CRISP2: variants seen among roughly 807,000 people sequenced by gnomAD.
The protein encoded by CRISP2 is cysteine-rich secretory protein 2.
A neutral mutation model predicts 31.7 loss-of-function variants in CRISP2; 29 were observed. That is an observed-to-expected ratio of 0.92 (90% CI 0.68 to 1.25). CRISP2 has a LOEUF of 1.25. CRISP2 is among the 50% of genes most tolerant of loss of function. The pLI, the probability that CRISP2 is intolerant of heterozygous loss-of-function variation, is 0.00. For missense variants in CRISP2, 318 were observed against 286.5 expected (o/e 1.11, Z -0.79); for synonymous variants, 111 against 101.4 (o/e 1.09, Z -0.57).
At chr6:49,703,655 T>C (rs1360592676) in intron 4 of CRISP2, among the ~76,000 whole-genome samples, 1 of 152,198 alleles carries the variant, frequency 6.6e-6, no homozygotes, top group East Asian at 1.9e-4. Flanking sequence ...TACTGATTTG[T>C]GTACATTGAT....
chr6:49,684,491 C>T, the CRISP2 span, among the ~76,000 whole-genome samples: 1 of 152,118 alleles, frequency 6.6e-6, no homozygotes, highest in Admixed American at 6.5e-5. Context: ...GGAGGACCGA[C>T]TATATAAGGA....
chr6:49,689,488 G>T (rs1055453570), downstream of CRISP2, among the ~76,000 whole-genome samples: 1 of 151,992 alleles, frequency 6.6e-6, no homozygotes, highest in Non-Finnish European at 1.5e-5. Flanking sequence ...CACTCATTAT[G>T]TGCCAAGCAG....
At chr6:49,701,525 TAC>T (rs1214427161) in intron 4 of CRISP2, among the ~76,000 whole-genome samples, 17,597 of 80,592 alleles carry the variant, frequency 0.22, 2,418 homozygotes, top group East Asian at 0.4. Context: ...TATATATATA[TAC>T]ACACACACAC....
At chr6:49,688,988 C>A (rs1014481497), downstream of CRISP2, among the ~76,000 whole-genome samples, 19 of 152,018 alleles carry the variant, frequency 1.2e-4, no homozygotes, top group African/African-American at 4.4e-4. Context: ...CCTGCCTCAG[C>A]CTCCTCCCAA....
chr6:49,676,878 C>A, the CRISP2 span, among the ~76,000 whole-genome samples: 2 of 152,122 alleles, frequency 1.3e-5, no homozygotes, highest in Non-Finnish European at 1.5e-5. Context: ...TCGTTCAGAG[C>A]AGCTGGCATC....
intron 9 of CRISP2, 134 bp from the exon 10 acceptor site, chr6:49,693,034 A>G: frequency 1.2e-6 from 1 of 801,816 alleles, no homozygotes; most frequent in East Asian, 2.7e-5. Flanking sequence ...TGGGTCTTTC[A>G]TGTCTTTATG....
Position 49,701,685 on chromosome 6 carries a change from TTATA to T in CRISP2, c.67-905_67-902del, listed in dbSNP as rs1383404960. On this transcript the variant is annotated intron_variant, in intron 4 of 9. Coordinates refer to ENST00000339139, the MANE Select transcript of CRISP2 (RefSeq NM_003296.4). Reference sequence around the variant, plus strand: ...TATGTATACATTATATATGTATACATTATATATGTATACATTATGTATACATATA... The same window carrying T: ...TATGTATACATTATATATGTATACATTATGTATACATTATGTATACATATA... 8.7e-4 allele frequency among the ~76,000 whole-genome samples: 103 copies of T among 118,264 alleles called. 3 individuals are homozygous for T. The highest frequency in any genetic ancestry group is 3.7e-3 in the African/African-American group (103 of 27,908). 77.6% of individuals were successfully genotyped at this position (118,264 alleles called of 152,430 possible).
At chr6:49,681,581 A>G in the CRISP2 span, among the ~76,000 whole-genome samples, 2 of 152,238 alleles carry the variant, frequency 1.3e-5, no homozygotes, top group Non-Finnish European at 2.9e-5. Context: ...ATTTATATTT[A>G]TAAACTATCA....
chr6:49,709,496 C>T (rs561103345), intron 3 of CRISP2, among the ~76,000 whole-genome samples: 13 of 152,242 alleles, frequency 8.5e-5, no homozygotes, highest in Non-Finnish European at 1.9e-4. Flanking sequence ...CTTCTGCTAC[C>T]CTTACGCCAT....
intron 4 of CRISP2, among the ~76,000 whole-genome samples, chr6:49,701,604 C>T (rs1765759635): frequency 1.9e-4 from 4 of 21,230 alleles, no homozygotes; most frequent in African/African-American, 4.8e-4. Flanking sequence ...TATACACACA[C>T]ACACGGTATA....
downstream of CRISP2, among the ~76,000 whole-genome samples, chr6:49,690,285 C>T (rs1013143091): frequency 6.6e-6 from 1 of 152,000 alleles, no homozygotes; most frequent in Non-Finnish European, 1.5e-5. Context: ...CAGGTTTCTC[C>T]TGGGGTAACT....
intron 8 of CRISP2, 35 bp downstream of exon 8, chr6:49,697,825 A>G (rs1765030234): frequency 6.2e-7 from 1 of 1,604,574 alleles, no homozygotes; most frequent in East Asian, 2.2e-5. Context: ...TTGCAGATAG[A>G]ATTATTGCCA....
At chr6:49,683,527 G>A in the CRISP2 span, among the ~76,000 whole-genome samples, 1 of 149,522 alleles carries the variant, frequency 6.7e-6, no homozygotes, top group Non-Finnish European at 1.5e-5. Flanking sequence ...AGCCGGGCAC[G>A]GTGGCAGGCG....
chr6:49,692,897 T>C lies in CRISP2; in HGVS notation c.608A>G (p.Asn203Ser), dbSNP rs1229194782. 1 of 1,613,268 alleles carries C rather than the reference T, an allele frequency of 6.2e-7. No individual in the cohort carries two copies. The highest frequency in any genetic ancestry group is 2.2e-5 in the East Asian group (1 of 44,838). ...PDDCDKGLCT[N>S]SCQYQDLLSN... ...TAGGAGATCTTGATACTGGCAACTATTGGCTGTAACAAAAACAGATTAGTT... is the reference window on the plus strand; with the variant it reads ...TAGGAGATCTTGATACTGGCAACTACTGGCTGTAACAAAAACAGATTAGTT... Residue 203 changes from asparagine (N) to serine (S), a missense_variant, in exon 10 of 10, where the codon AAT becomes AGT. Transcript: ENST00000339139.
chr6:49,683,320 C>T, the CRISP2 span, among the ~76,000 whole-genome samples: 1 of 151,988 alleles, frequency 6.6e-6, no homozygotes, highest in South Asian at 2.1e-4. Context: ...GTTCACCCAA[C>T]CAGGACCCTT....
chr6:49,707,872 A>T (rs1356338159), intron 4 of CRISP2, among the ~76,000 whole-genome samples: 1 of 152,206 alleles, frequency 6.6e-6, no homozygotes, highest in African/African-American at 2.4e-5. Context: ...TGCTGACCAT[A>T]TTATGGGGTC....
At chr6:49,680,071 G>C in the CRISP2 span, among the ~76,000 whole-genome samples, 47 of 151,988 alleles carry the variant, frequency 3.1e-4, no homozygotes, top group African/African-American at 1.1e-3. Context: ...TATCATAGCA[G>C]TTTGTTGTAC....
intron 2 of CRISP2, 68 bp downstream of exon 2, chr6:49,712,433 T>C (rs1397873345): frequency 6.6e-6 from 1 of 152,174 alleles, no homozygotes; most frequent in Non-Finnish European, 1.5e-5. Context: ...AATTACATTT[T>C]ATTCCTTTAA....
chr6:49,700,150 A>G (rs1221854886), intron 5 of CRISP2, among the ~76,000 whole-genome samples: 1 of 152,184 alleles, frequency 6.6e-6, no homozygotes, highest in Non-Finnish European at 1.5e-5. Context: ...CATACCTAGG[A>G]TATTTATTAA....
Sources: allele counts gnomAD v4.1 joint callset (sites outside exome capture counted in the v4.1 genomes callset), GRCh38; gene constraint gnomAD v4.1.1; transcripts MANE v1.5; gene names NCBI Gene and HGNC (gene_info 2026-07-23, HGNC 2026-07-21).